The following TCEA1 variants were observed in gnomAD, a reference collection of about 807,000 sequenced individuals.
TCEA1 encodes the protein transcription elongation factor A protein 1.
A neutral mutation model predicts 43.8 loss-of-function variants in TCEA1; 21 were observed. The ratio of observed to expected loss-of-function variants is 0.48; its 90% CI spans 0.34 to 0.69. The LOEUF is 0.69. Ranked by LOEUF, TCEA1 falls within the 30% of genes least tolerant of loss-of-function variation. TCEA1 has a pLI of 0.01. For missense variants in TCEA1, 250 were observed against 365.1 expected, an observed-to-expected ratio of 0.68 and a Z score of 2.57; for synonymous variants, 104 against 117.5, an observed-to-expected ratio of 0.88 and a Z score of 0.75.
In TCEA1 at chr8:53,987,009, A is replaced by G; in HGVS notation, c.483T>C (p.Ile161=). 6.2e-7 allele frequency: 1 copy of G among 1,601,394 alleles called. No individual in the cohort carries two copies. Among genetic ancestry groups the G allele is most frequent in the Non-Finnish European group, 8.5e-7 (1 of 1,174,162 alleles). The change falls in exon 6 of 10, where the codon ATT becomes ATC. Residue 161 remains isoleucine, a synonymous_variant. Coordinates refer to ENST00000521604, the MANE Select transcript of TCEA1 (RefSeq NM_006756.4). The part of the protein sequence containing the change: ...ALRTGDDYIA[I]GADEEELGSQ... ...ATCCTAATTCTTCCTCATCAGCTCC[A>G]ATTGCAATGTAGTCATCTAAAAATA...
intron 7 of TCEA1, 58 bp downstream of exon 7, chr8:53,984,305 C>T: frequency 2.7e-6 from 4 of 1,486,316 alleles, no homozygotes; most frequent in South Asian, 1.4e-5. Flanking sequence ...TGATAATAGG[C>T]TTTACACTTC....
At chr8:53,977,454 CTACTCA>C (rs1683492000) in intron 8 of TCEA1, among the ~76,000 whole-genome samples, 1 of 152,168 alleles carries the variant, frequency 6.6e-6, no homozygotes, top group South Asian at 2.1e-4. Flanking sequence ...ATGGAATTTC[CTACTCA>C]TAAACTTTTG....
chr8:53,984,243 T>G (rs1803614191), intron 7 of TCEA1, 120 bp downstream of exon 7: 1 of 948,766 alleles, frequency 1.1e-6, no homozygotes, highest in African/African-American at 1.7e-5. Context: ...TATAAATATA[T>G]CAGAATAACG....
chr8:54,009,135 C>T (rs1259255975), intron 2 of TCEA1, among the ~76,000 whole-genome samples: 4 of 150,754 alleles, frequency 2.7e-5, no homozygotes, highest in Middle Eastern at 3.4e-3. Context: ...CAGGCATGAG[C>T]GCCTGGCCCG....
At chr8:53,996,518 T>C (rs1274276794) in intron 3 of TCEA1, among the ~76,000 whole-genome samples, 1 of 152,210 alleles carries the variant, frequency 6.6e-6, no homozygotes, top group African/African-American at 2.4e-5. Flanking sequence ...CTAGTAGCAG[T>C]AGTAGTAAAT....
chr8:54,010,848 T>C (rs1804630352), intron 1 of TCEA1, among the ~76,000 whole-genome samples: 1 of 152,178 alleles, frequency 6.6e-6, no homozygotes, highest in African/African-American at 2.4e-5. Flanking sequence ...TCTCACTCTG[T>C]TGCCCAGGTT....
chr8:53,999,242 A>AG (rs1563497780), intron 3 of TCEA1, among the ~76,000 whole-genome samples: 1 of 150,524 alleles, frequency 6.6e-6, no homozygotes, highest in African/African-American at 2.4e-5. Context: ...AAAAAAAAAA[A>AG]AAAAGAAAGA....
chr8:53,997,970 T>G (rs1367033583), intron 3 of TCEA1, among the ~76,000 whole-genome samples: 1 of 152,242 alleles, frequency 6.6e-6, no homozygotes, highest in Non-Finnish European at 1.5e-5. Context: ...TGAATATATT[T>G]CCTAGTTTAC....
At chr8:53,971,017 A>G (rs891571712) in intron 8 of TCEA1, among the ~76,000 whole-genome samples, 5 of 152,244 alleles carry the variant, frequency 3.3e-5, no homozygotes, top group African/African-American at 1.2e-4. Context: ...GGATGTTTAA[A>G]GAGTATAATT....
intron 1 of TCEA1, among the ~76,000 whole-genome samples, chr8:54,015,264 GGT>G: frequency 6.6e-6 from 1 of 151,978 alleles, no homozygotes; most frequent in African/African-American, 2.4e-5. Context: ...CTACCTCCTG[GGT>G]TCAAGCGATT....
At chr8:53,987,423 C>T (rs1167514829) in intron 5 of TCEA1, among the ~76,000 whole-genome samples, 1 of 152,124 alleles carries the variant, frequency 6.6e-6, no homozygotes, top group Non-Finnish European at 1.5e-5. Context: ...TATACAGACA[C>T]ACTCAGAAGA....
intron 3 of TCEA1, among the ~76,000 whole-genome samples, chr8:53,998,166 C>T (rs1280943641): frequency 6.6e-6 from 1 of 152,116 alleles, no homozygotes; most frequent in Non-Finnish European, 1.5e-5. Context: ...GATAAAATTG[C>T]TCAGAAGGAT....
At chr8:53,985,726 T>C (rs1341545232) in intron 6 of TCEA1, among the ~76,000 whole-genome samples, 1 of 152,156 alleles carries the variant, frequency 6.6e-6, no homozygotes, top group Non-Finnish European at 1.5e-5. Flanking sequence ...TCACACACAG[T>C]ACCCCTCTCC....
chr8:53,977,697 T>A (rs1296879024), intron 8 of TCEA1, among the ~76,000 whole-genome samples: 1 of 152,128 alleles, frequency 6.6e-6, no homozygotes, highest in Admixed American at 6.5e-5. Flanking sequence ...CAAATGAAAT[T>A]AAGACAGTGA....
At position 53,984,574 on chromosome 8, in the gene TCEA1, C is replaced by G. The variant is rs1041342209; in HGVS notation, c.524-57G>C. 1.8e-5 allele frequency: 26 copies of G among 1,426,198 alleles called. No individual in the cohort carries two copies. In the African/African-American group the frequency reaches 2.7e-4, roughly 15 times the overall value. 88.3% of individuals were successfully genotyped at this position (1,426,198 alleles called of 1,614,324 possible). A position where few individuals can be genotyped will look rare whatever the true frequency, so the allele number is the denominator to read the frequency against. ...TACAAAAGTAAGATCACTTTTTTTT[C>G]CTGTTCTGCCAAAATAAGAATTCCT... is the stretch of plus-strand genomic sequence containing the variant. On this transcript the variant is annotated intron_variant, in intron 6 of 9. Transcript: ENST00000521604.
intron 1 of TCEA1, among the ~76,000 whole-genome samples, chr8:54,012,953 C>T (rs897205488): frequency 1.7e-5 from 2 of 116,366 alleles, no homozygotes; most frequent in African/African-American, 7.2e-5. Flanking sequence ...AATTAAAAAA[C>T]GACGACGACA....
At position 53,999,224 on chromosome 8, in the gene TCEA1, C is replaced by CAA. The variant is rs57357613; in HGVS notation, c.232+719_232+720dup. ...TGGGCAACAGAGTGAGACTCAGTCTCAAAAAAAAAAAAAAAAAAAAAAGAA... is the reference window on the plus strand; with the variant it reads ...TGGGCAACAGAGTGAGACTCAGTCTCAAAAAAAAAAAAAAAAAAAAAAAAGAA... On this transcript the variant is annotated intron_variant, in intron 3 of 9. Coordinates refer to ENST00000521604, the MANE Select transcript of TCEA1 (RefSeq NM_006756.4). Among the ~76,000 whole-genome samples the CAA allele has an allele frequency of 9.6e-3, 611 of 63,972 alleles. 5 individuals are homozygous for CAA. The highest frequency in any genetic ancestry group is 0.021 in the African/African-American group (398 of 18,924). 42.0% of individuals were successfully genotyped at this position (63,972 alleles called of 152,430 possible).
In TCEA1 at chr8:53,983,664, G is replaced by A. The variant is rs533546950; in HGVS notation, c.678+699C>T. On this transcript the variant is annotated intron_variant, in intron 7 of 9. Transcript: ENST00000521604. The stretch of plus-strand genomic sequence containing the variant: ...GCCCAGGCAACAAGGGCAAAATTTC[G>A]TATCAAAAAAAAAAAAGAAATAATC... Among the ~76,000 whole-genome samples the A allele has an allele frequency of 8.3e-5, 10 of 120,972 alleles. No individual in the cohort carries two copies. In the East Asian group the frequency reaches 1.5e-3, roughly 18 times the overall value. The allele number at this position is 120,972 out of a possible 152,430, so 79.4% of individuals were successfully genotyped here.
chr8:54,018,068 T>C (rs1563522913), intron 1 of TCEA1, among the ~76,000 whole-genome samples: 3 of 152,190 alleles, frequency 2.0e-5, no homozygotes, highest in South Asian at 2.1e-4. Context: ...AAAAATTGTA[T>C]AGTCATTCTA....
Sources: allele counts gnomAD v4.1 joint callset (sites outside exome capture counted in the v4.1 genomes callset), GRCh38; gene constraint gnomAD v4.1.1; transcripts MANE v1.5; gene names NCBI Gene and HGNC (gene_info 2026-07-23, HGNC 2026-07-21).